Variants in ELMO1 observed in about 807,000 individuals in gnomAD.
ELMO1 encodes the protein engulfment and cell motility protein 1.
ELMO1 carries 26 observed loss-of-function variants against 98.9 expected under a neutral mutation model. The ratio of observed to expected loss-of-function variants is 0.26; its 90% CI spans 0.19 to 0.36. ELMO1 has a LOEUF of 0.36. ELMO1 is among the 10% of genes least tolerant of loss of function. The probability of loss-of-function intolerance (pLI) is 1.00; values close to 1 mark genes in which losing one functional copy is unlikely to be tolerated. For synonymous variants in ELMO1, 346 were observed against 346.0 expected (o/e 1.00, Z 0.00); for missense variants, 627 against 935.2 (o/e 0.67, Z 4.30).
intron 13 of ELMO1, among the ~76,000 whole-genome samples, chr7:37,155,503 A>AATAAAAT (rs1554427527): frequency 1.1e-4 from 15 of 131,778 alleles, no homozygotes; most frequent in South Asian, 4.9e-4. Flanking sequence ...AAAAAAAAAA[A>AATAAAAT]AAAAAGCAGG....
intron 15 of ELMO1, among the ~76,000 whole-genome samples, chr7:37,017,799 A>G (rs890802231): frequency 2.1e-5 from 3 of 142,286 alleles, no homozygotes; most frequent in Non-Finnish European, 4.5e-5. Context: ...GCCATGTGAA[A>G]TTACTAATAT....
intron 2 of ELMO1, among the ~76,000 whole-genome samples, chr7:37,337,973 C>T (rs1268968102): frequency 2.6e-5 from 4 of 152,176 alleles, no homozygotes; most frequent in African/African-American, 9.7e-5. Flanking sequence ...ATGCCTCCCA[C>T]TTGTCTTTTA....
intron 20 of ELMO1, among the ~76,000 whole-genome samples, chr7:36,863,100 G>A (rs755170250): frequency 5.9e-5 from 9 of 152,142 alleles, no homozygotes; most frequent in Non-Finnish European, 1.0e-4. Flanking sequence ...AGAGGGGGCA[G>A]GTCTTGTTCT....
chr7:37,055,834 C>T (rs891653182), intron 15 of ELMO1, among the ~76,000 whole-genome samples: 3 of 152,162 alleles, frequency 2.0e-5, no homozygotes, highest in African/African-American at 7.2e-5. Flanking sequence ...GTTACACCAT[C>T]CAGGTACAGT....
In ELMO1 at chr7:37,096,540, C is replaced by T. The variant is rs187233836; in HGVS notation, c.1300+79G>A. 3.4e-3 allele frequency: 4,261 copies of T among 1,254,248 alleles called. 10 individuals are homozygous for T. Among genetic ancestry groups the T allele is most frequent in the Non-Finnish European group, 4.1e-3 (3,542 of 862,244 alleles). 77.7% of individuals were successfully genotyped at this position (1,254,248 alleles called of 1,614,324 possible). On this transcript the variant is annotated intron_variant, in intron 15 of 21. Transcript: ENST00000310758. Reference sequence around the variant, plus strand: ...AGAAGCTGTCGGCATCTTGGGATTTCTTCACACAGGTAGGGGCACAACCCT... The same window carrying T: ...AGAAGCTGTCGGCATCTTGGGATTTTTTCACACAGGTAGGGGCACAACCCT...
intron 15 of ELMO1, among the ~76,000 whole-genome samples, chr7:37,086,330 CTGTGTGTGTGTGTGTGTG>C (rs58906590): frequency 5.6e-5 from 8 of 143,182 alleles, no homozygotes; most frequent in Admixed American, 2.8e-4. Context: ...CAATACATGA[CTGTGTGTGTGTGTGTGTG>C]TGTGTGTGTG....
At chr7:37,109,362 T>G (rs184414439) in intron 14 of ELMO1, among the ~76,000 whole-genome samples, 14 of 152,316 alleles carry the variant, frequency 9.2e-5, no homozygotes, top group Non-Finnish European at 1.3e-4. Flanking sequence ...ATGGAAAACA[T>G]TTGGCAAGTA....
At chr7:37,247,750 G>T (rs924397227) in intron 6 of ELMO1, among the ~76,000 whole-genome samples, 9 of 152,182 alleles carry the variant, frequency 5.9e-5, no homozygotes, top group African/African-American at 1.9e-4. Context: ...TGGGTGCAAG[G>T]TGCCACCTGG....
chr7:37,237,889 T>G (rs1229404824), intron 7 of ELMO1, among the ~76,000 whole-genome samples: 1 of 152,232 alleles, frequency 6.6e-6, no homozygotes, highest in Non-Finnish European at 1.5e-5. Flanking sequence ...TCTATTCTAC[T>G]ACATTGATCT....
Position 37,259,112 on chromosome 7 carries a change from G to C in ELMO1, c.413+69C>G. On this transcript the variant is annotated intron_variant, in intron 6 of 21. Transcript: ENST00000310758. The stretch of plus-strand genomic sequence containing the variant: ...TTAAAACAGAGTTTGCAAGTGTAAG[G>C]CATGTAACAATATTCAAAACGCGGA... The C allele has an allele frequency of 2.0e-6, 3 of 1,515,312 alleles. No individual in the cohort carries two copies. The South Asian group carries it at 3.9e-5, about 20-fold the overall frequency. 93.9% of individuals were successfully genotyped at this position (1,515,312 alleles called of 1,614,324 possible).
intron 1 of ELMO1, among the ~76,000 whole-genome samples, chr7:37,403,161 T>G (rs907771107): frequency 2.0e-5 from 3 of 152,246 alleles, no homozygotes; most frequent in Non-Finnish European, 2.9e-5. Flanking sequence ...AAGTTTTAAA[T>G]GCACATTTCT....
chr7:37,225,173 G>T (rs928514083), intron 8 of ELMO1, 143 bp from the exon 9 acceptor site: 4 of 859,950 alleles, frequency 4.7e-6, no homozygotes, highest in Non-Finnish European at 3.6e-6. Flanking sequence ...AAAATAGCAA[G>T]AAACCCATTG....
chr7:37,337,390 G>A (rs112733456), intron 2 of ELMO1, among the ~76,000 whole-genome samples: 3 of 152,204 alleles, frequency 2.0e-5, no homozygotes, highest in Non-Finnish European at 4.4e-5. Flanking sequence ...GTAAGGGAAG[G>A]GGGGAGGGAT....
intron 16 of ELMO1, among the ~76,000 whole-genome samples, chr7:36,899,103 G>A (rs1806283665): frequency 6.6e-6 from 1 of 152,206 alleles, no homozygotes; most frequent in Admixed American, 6.5e-5. Context: ...GGGTGGGGAA[G>A]TGTTCAGCGG....
intron 5 of ELMO1, among the ~76,000 whole-genome samples, chr7:37,261,416 C>T (rs1015826325): frequency 6.6e-6 from 1 of 152,130 alleles, no homozygotes; most frequent in African/African-American, 2.4e-5. Flanking sequence ...AATACACAGA[C>T]CAAGGGCCAC....
At chr7:37,220,556 C>T (rs145197957) in intron 10 of ELMO1, among the ~76,000 whole-genome samples, 29 of 152,290 alleles carry the variant, frequency 1.9e-4, no homozygotes, top group African/African-American at 6.7e-4. Context: ...ACTTGATTCA[C>T]AAAATCCAAA....
chr7:37,220,117 C>T (rs1466876290), intron 10 of ELMO1, among the ~76,000 whole-genome samples: 1 of 152,218 alleles, frequency 6.6e-6, no homozygotes, highest in Non-Finnish European at 1.5e-5. Flanking sequence ...CAGGCCTCTA[C>T]TGACCTTCAG....
intron 1 of ELMO1, among the ~76,000 whole-genome samples, chr7:37,345,883 G>A (rs1359226835): frequency 3.5e-5 from 5 of 143,212 alleles, no homozygotes; most frequent in African/African-American, 1.4e-4. Context: ...CAGCTACTCG[G>A]GAGGCTGAGA....
intron 17 of ELMO1, 87 bp from the exon 18 acceptor site, chr7:36,887,759 G>A: frequency 1.7e-5 from 20 of 1,155,704 alleles, no homozygotes; most frequent in Non-Finnish European, 2.4e-5. Flanking sequence ...GGGCAGGGGA[G>A]AACAAGTGCA....
Sources: allele counts gnomAD v4.1 joint callset (sites outside exome capture counted in the v4.1 genomes callset), GRCh38; gene constraint gnomAD v4.1.1; transcripts MANE v1.5; gene names NCBI Gene and HGNC (gene_info 2026-07-23, HGNC 2026-07-21).